ESR1: variants seen among roughly 807,000 people sequenced by gnomAD.
ESR1 encodes the protein estrogen receptor 1.
ESR1 carries 12 observed loss-of-function variants against 52.7 expected under a neutral mutation model. That is an observed-to-expected ratio of 0.23 (90% CI 0.15 to 0.37). ESR1 has a LOEUF of 0.37. Ranked by LOEUF, ESR1 falls within the 10% of genes least tolerant of loss-of-function variation. The pLI, the probability that ESR1 is intolerant of heterozygous loss-of-function variation, is 1.00. For missense variants in ESR1, 584 were observed against 779.7 expected (o/e 0.75, Z 2.99); for synonymous variants, 305 against 316.8 (o/e 0.96, Z 0.39).
intron 3 of ESR1, among the ~76,000 whole-genome samples, chr6:151,907,430 A>G (rs542172903): frequency 2.6e-5 from 4 of 152,072 alleles, no homozygotes; most frequent in Non-Finnish European, 5.9e-5. Context: ...AAATTTACTC[A>G]TAGCTGTCTC....
chr6:152,052,811 A>G (rs1473216745), intron 5 of ESR1, among the ~76,000 whole-genome samples: 1 of 152,128 alleles, frequency 6.6e-6, no homozygotes, highest in Non-Finnish European at 1.5e-5. Context: ...AGCACGGGCA[A>G]GTGTTCTGGA....
intron 2 of ESR1, among the ~76,000 whole-genome samples, chr6:151,781,366 T>G (rs966611368): frequency 9.2e-5 from 14 of 152,246 alleles, no homozygotes; most frequent in Admixed American, 7.9e-4. Context: ...GCTGAATTTG[T>G]GCTTCTATTA....
intron 2 of ESR1, among the ~76,000 whole-genome samples, chr6:151,781,613 C>T (rs1478678757): frequency 6.6e-6 from 1 of 152,228 alleles, no homozygotes; most frequent in Non-Finnish European, 1.5e-5. Flanking sequence ...CCCACCGCTT[C>T]GCTGTTTCCA....
intron 6 of ESR1, chr6:152,121,768 CT>C (rs71660056): frequency 0.42 from 63,792 of 150,726 alleles, 13,936 homozygotes; most frequent in African/African-American, 0.52. Flanking sequence ...ACATAAATAT[CT>C]TTTTTTTTTT....
intron 3 of ESR1, among the ~76,000 whole-genome samples, chr6:151,930,088 A>T (rs1378379645): frequency 1.3e-5 from 2 of 151,260 alleles, no homozygotes; most frequent in African/African-American, 4.9e-5. Flanking sequence ...GGTTCAAGCG[A>T]TTCTCCTGCC....
chr6:151,741,318 C>T (rs1010445429), intron 2 of ESR1, among the ~76,000 whole-genome samples: 15 of 152,024 alleles, frequency 9.9e-5, no homozygotes, highest in African/African-American at 3.6e-4. Context: ...TCATTCAGTC[C>T]TCCTCTATGC....
intron 2 of ESR1, among the ~76,000 whole-genome samples, chr6:151,868,068 CATA>C (rs1790266758): frequency 6.7e-6 from 1 of 149,572 alleles, no homozygotes; most frequent in African/African-American, 2.5e-5. Flanking sequence ...AGGTAATGAG[CATA>C]GTACCCAATG....
intron 2 of ESR1, among the ~76,000 whole-genome samples, chr6:151,782,158 C>A (rs902145454): frequency 1.3e-5 from 2 of 152,016 alleles, no homozygotes. Flanking sequence ...CAATCAACAA[C>A]CTGTTGGAGT....
chr6:151,994,645 T>C (rs1386844266), intron 4 of ESR1, among the ~76,000 whole-genome samples: 1 of 152,182 alleles, frequency 6.6e-6, no homozygotes, highest in Non-Finnish European at 1.5e-5. Flanking sequence ...AATGAGTCTC[T>C]TCATCAAAAG....
At chr6:152,058,091 G>A (rs979673049) in intron 5 of ESR1, among the ~76,000 whole-genome samples, 1 of 152,042 alleles carries the variant, frequency 6.6e-6, no homozygotes, top group African/African-American at 2.4e-5. Flanking sequence ...AAACAGAGAC[G>A]TTATACTGAG....
At chr6:151,726,622 C>T (rs542880887) in intron 2 of ESR1, among the ~76,000 whole-genome samples, 1 of 152,346 alleles carries the variant, frequency 6.6e-6, no homozygotes, top group Admixed American at 6.5e-5. Context: ...AGGCGCAAGC[C>T]ACAGCGCCCG....
chr6:152,087,165 TG>T (rs1257933386), intron 6 of ESR1, among the ~76,000 whole-genome samples: 1 of 152,154 alleles, frequency 6.6e-6, no homozygotes, highest in African/African-American at 2.4e-5. Flanking sequence ...TCCGAATGAA[TG>T]GATAGCATGA....
chr6:152,022,033 G>A (rs2043700659), intron 5 of ESR1, among the ~76,000 whole-genome samples: 1 of 152,066 alleles, frequency 6.6e-6, no homozygotes, highest in Non-Finnish European at 1.5e-5. Context: ...CATGAAAACG[G>A]ACTAATACAC....
chr6:151,732,252 G>A (rs6906152), intron 2 of ESR1, among the ~76,000 whole-genome samples: 1 of 151,884 alleles, frequency 6.6e-6, no homozygotes, highest in Non-Finnish European at 1.5e-5. Context: ...CTCATCAGGC[G>A]GATAATTTAC....
intron 2 of ESR1, among the ~76,000 whole-genome samples, chr6:151,846,035 A>G (rs1423749191): frequency 6.6e-6 from 1 of 152,114 alleles, no homozygotes; most frequent in Non-Finnish European, 1.5e-5. Flanking sequence ...TATAGGATCC[A>G]AACTCCACTC....
At chr6:151,899,726 G>A (rs1460613157) in intron 3 of ESR1, among the ~76,000 whole-genome samples, 18 of 151,224 alleles carry the variant, frequency 1.2e-4, no homozygotes, top group South Asian at 2.1e-4. Flanking sequence ...CAGACGGGGC[G>A]GCCCGGCAGA....
At chr6:151,736,375 G>GTTCTT (rs748276035) in intron 2 of ESR1, among the ~76,000 whole-genome samples, 1 of 112,742 alleles carries the variant, frequency 8.9e-6, no homozygotes, top group African/African-American at 3.8e-5. Context: ...TCCAGGTAGT[G>GTTCTT]TTTTTTTTTT....
intron 2 of ESR1, among the ~76,000 whole-genome samples, chr6:151,853,904 G>A (rs1787344156): frequency 6.6e-6 from 1 of 152,122 alleles, no homozygotes; most frequent in Admixed American, 6.5e-5. Flanking sequence ...TTGTTTATCA[G>A]TGGCAATAAT....
chr6:151,763,463 G>C (rs1041636847), intron 2 of ESR1, among the ~76,000 whole-genome samples: 1 of 152,154 alleles, frequency 6.6e-6, no homozygotes, highest in African/African-American at 2.4e-5. Context: ...GGAATTTTTT[G>C]GTTATTGTTG....
Sources: allele counts gnomAD v4.1 joint callset (sites outside exome capture counted in the v4.1 genomes callset), GRCh38; gene constraint gnomAD v4.1.1; transcripts MANE v1.5; gene names NCBI Gene and HGNC (gene_info 2026-07-23, HGNC 2026-07-21).